The following FOXL2NB variants were observed in gnomAD, a reference collection of about 807,000 sequenced individuals.
FOXL2NB encodes the protein FOXL2 neighbor, also known as FOXL2 neighbor protein.
In FOXL2NB, 10 loss-of-function variants were observed where a neutral mutation model predicts 7.4. That is an observed-to-expected ratio of 1.34 (90% CI 0.83 to 2.28). The LOEUF (loss-of-function observed/expected upper bound fraction) is 2.28, where lower values mean the gene tolerates loss of function less well. Among genes scored for constraint, FOXL2NB ranks in the 30% most tolerant of loss-of-function variants. FOXL2NB has a pLI of 0.00. For missense variants in FOXL2NB, 228 were observed against 233.9 expected (o/e 0.97, Z 0.17); for synonymous variants, 104 against 105.3 (o/e 0.99, Z 0.08).
Position 138,950,897 on chromosome 3 carries a change from A to G in FOXL2NB, c.*325A>G, listed in dbSNP as rs58908753. 9.3e-6 allele frequency: 3 copies of G among 323,866 alleles called. No individual in the cohort carries two copies. The highest frequency in any genetic ancestry group is 2.2e-5 in the African/African-American group (1 of 44,564). The allele number at this position is 323,866 out of a possible 1,614,324, so 20.1% of individuals were successfully genotyped here. A position where few individuals can be genotyped will look rare whatever the true frequency, so the allele number is the denominator to read the frequency against. Reference sequence around the variant, plus strand: ...CGCATCTCACGGTGCAGAAGGACCAATGGGCTCCAGGTTTACAAGCCTGAC... The same window carrying G: ...CGCATCTCACGGTGCAGAAGGACCAGTGGGCTCCAGGTTTACAAGCCTGAC... On this transcript the variant is annotated 3_prime_UTR_variant, in exon 3 of 3. Coordinates refer to ENST00000383165, the MANE Select transcript of FOXL2NB (RefSeq NM_001040061.3).
rs1158178491 is a variant in FOXL2NB at position 138,949,501 on chromosome 3, C to T, written c.101-19C>T. ...CTGCTCTGAAAATACTGATTTCTGA[C>T]TGTCCCGTAGAGGAACAGAATCCCC... On this transcript the variant is annotated intron_variant, in intron 1 of 2. Transcript: ENST00000383165. This position sits in a 1 kb window ranked among gnomAD's most constrained non-coding sequence, Gnocchi z 4.5. 12 of 1,613,782 alleles carry T rather than the reference C, an allele frequency of 7.4e-6. No homozygotes were observed. The highest frequency in any genetic ancestry group is 4.0e-5 in the African/African-American group (3 of 74,854).
At position 138,949,813 on chromosome 3, in the gene FOXL2NB, T is replaced by C. The variant is rs1936081358; in HGVS notation, c.220+174T>C. 2.2e-6 allele frequency: 2 copies of C among 896,554 alleles called. No homozygotes were observed. Among genetic ancestry groups the C allele is most frequent in the Middle Eastern group, 2.1e-4 (1 of 4,716 alleles). The allele number at this position is 896,554 out of a possible 1,614,324, so 55.5% of individuals were successfully genotyped here. A position where few individuals can be genotyped will look rare whatever the true frequency, so the allele number is the denominator to read the frequency against. ...GTGAACCGGGCGCTCCAGGAAACGG[T>C]GCGGGGCGCCCTGATTTACTTCTCA... On this transcript the variant is annotated intron_variant, in intron 2 of 2. Transcript: ENST00000383165. This position sits in a 1 kb window ranked among gnomAD's most constrained non-coding sequence, Gnocchi z 4.5.
At chr3:138,948,502 T>C (rs367998830) in intron 1 of FOXL2NB, among the ~76,000 whole-genome samples, 9 of 152,230 alleles carry the variant, frequency 5.9e-5, no homozygotes, top group African/African-American at 1.9e-4. Flanking sequence ...GCCAGTGTTT[T>C]GAATCCTCAA....
rs1936106616 is a variant in FOXL2NB, at chr3:138,950,431, C to A, written c.387C>A (p.Ser129=). The A allele has an allele frequency of 6.2e-7, 1 of 1,613,978 alleles. No homozygotes were observed. Among genetic ancestry groups the A allele is most frequent in the African/African-American group, 1.3e-5 (1 of 75,056 alleles). Reference sequence around the variant, plus strand: ...GCTGCCTGAACCAGGTTCCGCTGTCCCCTTTCCTAGCGGGACCCCGAAACA... The same window carrying A: ...GCTGCCTGAACCAGGTTCCGCTGTCACCTTTCCTAGCGGGACCCCGAAACA... ...AAGCLNQVPL[S]PFLAGPRNTR... is the part of the protein sequence containing the mutation. The change falls in exon 3 of 3, where the codon TCC becomes TCA. Residue 129 remains serine, a synonymous_variant. Coordinates refer to ENST00000383165, the MANE Select transcript of FOXL2NB (RefSeq NM_001040061.3).
At position 138,951,690 on chromosome 3, in the gene FOXL2NB, A is replaced by T. The variant is rs1218492451; in HGVS notation, c.*1118A>T. ...TATCCCTCATGACATCTATGGCCCA[A>T]AGCCATTTTGTTCAGCTCTGAACAG... On this transcript the variant is annotated 3_prime_UTR_variant, in exon 3 of 3. Transcript: ENST00000383165. 2 of 152,188 alleles carry T rather than the reference A, an allele frequency of 1.3e-5. No homozygotes were observed. Among genetic ancestry groups the T allele is most frequent in the South Asian group, 2.1e-4 (1 of 4,830 alleles). The allele number at this position is 152,188 out of a possible 1,614,324, so 9.4% of individuals were successfully genotyped here. A position where few individuals can be genotyped will look rare whatever the true frequency, so the allele number is the denominator to read the frequency against.
At position 138,950,738 on chromosome 3, in the gene FOXL2NB, C is replaced by T. The variant is rs563942675; in HGVS notation, c.*166C>T. On this transcript the variant is annotated 3_prime_UTR_variant, in exon 3 of 3. Coordinates refer to ENST00000383165, the MANE Select transcript of FOXL2NB (RefSeq NM_001040061.3). ...TCTCCCTCTGTCAACTCCAAATCCCCTCTAGTTCTCCCTCCCCTCCTACTT... is the reference window on the plus strand; with the variant it reads ...TCTCCCTCTGTCAACTCCAAATCCCTTCTAGTTCTCCCTCCCCTCCTACTT... The T allele has an allele frequency of 3.0e-5, 20 of 675,740 alleles. No individual in the cohort carries two copies. Among genetic ancestry groups the T allele is most frequent in the Non-Finnish European group, 4.2e-5 (17 of 400,926 alleles). 41.9% of individuals were successfully genotyped at this position (675,740 alleles called of 1,614,324 possible).
At position 138,950,243 on chromosome 3, in the gene FOXL2NB, A is replaced by T. The variant is rs780154149; in HGVS notation, c.221-22A>T. ...GGCGCGAGCAATCTACACGGCTCTG[A>T]TACAGACGCTTTTCTCCCCAGGGCC... is the stretch of plus-strand genomic sequence containing the variant. On this transcript the variant is annotated intron_variant, in intron 2 of 2. Transcript: ENST00000383165. 8.7e-6 allele frequency: 14 copies of T among 1,603,954 alleles called. No homozygotes were observed. In the East Asian group the frequency reaches 2.5e-4, roughly 28 times the overall value.
In FOXL2NB at chr3:138,947,778, C is replaced by T. The variant is rs954564010; in HGVS notation, c.100+314C>T. Reference sequence around the variant, plus strand: ...CTGCGTTACCAGTGGATCTAGGAACCAGGAATCCGTGTACTAATCCTACGG... The same window carrying T: ...CTGCGTTACCAGTGGATCTAGGAACTAGGAATCCGTGTACTAATCCTACGG... On this transcript the variant is annotated intron_variant, in intron 1 of 2. Coordinates refer to ENST00000383165, the MANE Select transcript of FOXL2NB (RefSeq NM_001040061.3). The surrounding 1 kb of genome is among the most constrained non-coding windows in gnomAD (Gnocchi z 5.2). 3.6e-6 allele frequency: 4 copies of T among 1,125,436 alleles called. No homozygotes were observed. In the East Asian group the frequency reaches 1.8e-4, roughly 52 times the overall value. The allele number at this position is 1,125,436 out of a possible 1,614,324, so 69.7% of individuals were successfully genotyped here. A position where few individuals can be genotyped will look rare whatever the true frequency, so the allele number is the denominator to read the frequency against.
Position 138,949,642 on chromosome 3 carries a change from A to G in FOXL2NB, c.220+3A>G, listed in dbSNP as rs781202664. On this transcript the variant is annotated splice_donor_region_variant and intron_variant, in intron 2 of 2. Coordinates refer to ENST00000383165, the MANE Select transcript of FOXL2NB (RefSeq NM_001040061.3). The surrounding 1 kb of genome is among the most constrained non-coding windows in gnomAD (Gnocchi z 4.5). ...GCATTCGAAGGCTCAGAAAACAGGC[A>G]AGAAAATGCGGGCGGGAAAGCTGGC... The G allele has an allele frequency of 5.0e-6, 8 of 1,614,144 alleles. No homozygotes were observed. Among genetic ancestry groups the G allele is most frequent in the Non-Finnish European group, 6.8e-6 (8 of 1,180,034 alleles).
chr3:138,953,570 A>C lies in FOXL2NB; in HGVS notation c.*2998A>C, dbSNP rs1936174765. 1 of 152,228 alleles carries C rather than the reference A, an allele frequency of 6.6e-6. No individual in the cohort carries two copies. Among genetic ancestry groups the C allele is most frequent in the Non-Finnish European group, 1.5e-5 (1 of 68,052 alleles). The allele number at this position is 152,228 out of a possible 1,614,324, so 9.4% of individuals were successfully genotyped here. A position where few individuals can be genotyped will look rare whatever the true frequency, so the allele number is the denominator to read the frequency against. On this transcript the variant is annotated 3_prime_UTR_variant, in exon 3 of 3. Coordinates refer to ENST00000383165, the MANE Select transcript of FOXL2NB (RefSeq NM_001040061.3). Reference sequence around the variant, plus strand: ...AGCCTTGTTCCATATTTTTGTATGCAGTATAACTTACAGATGGTAAACAAT... The same window carrying C: ...AGCCTTGTTCCATATTTTTGTATGCCGTATAACTTACAGATGGTAAACAAT...
Position 138,948,919 on chromosome 3 carries a change from G to T in FOXL2NB, c.101-601G>T, listed in dbSNP as rs186887647. ...GCAAGGCTATCCCCAAAGTAGCTTG[G>T]TTTTTTTTATGGGCGGTCTCCCACT... On this transcript the variant is annotated intron_variant, in intron 1 of 2. Coordinates refer to ENST00000383165, the MANE Select transcript of FOXL2NB (RefSeq NM_001040061.3). Among the ~76,000 whole-genome samples the T allele has an allele frequency of 4.6e-5, 7 of 152,224 alleles. No individual in the cohort carries two copies. In the East Asian group the frequency reaches 1.2e-3, roughly 25 times the overall value.
In FOXL2NB at chr3:138,947,635, G is replaced by C; in HGVS notation, c.100+171G>C. 1 of 1,390,414 alleles carries C rather than the reference G, an allele frequency of 7.2e-7. No individual in the cohort carries two copies. The highest frequency in any genetic ancestry group is 2.5e-4 in the Middle Eastern group (1 of 3,976). 86.1% of individuals were successfully genotyped at this position (1,390,414 alleles called of 1,614,324 possible). On this transcript the variant is annotated intron_variant, in intron 1 of 2. Transcript: ENST00000383165. This position sits in a 1 kb window ranked among gnomAD's most constrained non-coding sequence, Gnocchi z 5.2. ...CCAGAAACGGGTGTGACTGTACGAAGAAGCCTCGGCCTGGCCTGTCCCTCG... is the reference window on the plus strand; with the variant it reads ...CCAGAAACGGGTGTGACTGTACGAACAAGCCTCGGCCTGGCCTGTCCCTCG...
intron 2 of FOXL2NB, chr3:138,950,064 G>A (rs1009260948): frequency 5.6e-6 from 4 of 717,234 alleles, no homozygotes; most frequent in African/African-American, 3.5e-5. Context: ...CCAGGGTCCC[G>A]CAGCTGCAAT....
chr3:138,950,867 A>C lies in FOXL2NB; in HGVS notation c.*295A>C. The C allele has an allele frequency of 2.4e-6, 1 of 422,080 alleles. No homozygotes were observed. The highest frequency in any genetic ancestry group is 4.2e-6 in the Non-Finnish European group (1 of 237,748). 26.1% of individuals were successfully genotyped at this position (422,080 alleles called of 1,614,324 possible). ...CCCTAAGGCTTTTCACACGCTGCTCACTTTCGCATCTCACGGTGCAGAAGG... is the reference window on the plus strand; with the variant it reads ...CCCTAAGGCTTTTCACACGCTGCTCCCTTTCGCATCTCACGGTGCAGAAGG... On this transcript the variant is annotated 3_prime_UTR_variant, in exon 3 of 3. Transcript: ENST00000383165.
rs2107746092 is a variant in FOXL2NB, at chr3:138,947,717, C to T, written c.100+253C>T. 8.2e-7 allele frequency: 1 copy of T among 1,224,412 alleles called. No individual in the cohort carries two copies. Among genetic ancestry groups the T allele is most frequent in the South Asian group, 2.7e-5 (1 of 36,512 alleles). The allele number at this position is 1,224,412 out of a possible 1,614,324, so 75.8% of individuals were successfully genotyped here. On this transcript the variant is annotated intron_variant, in intron 1 of 2. Coordinates refer to ENST00000383165, the MANE Select transcript of FOXL2NB (RefSeq NM_001040061.3). The surrounding 1 kb of genome is among the most constrained non-coding windows in gnomAD (Gnocchi z 5.2). ...AGGGGAGAGGATCTCTGGAAATAGTCGTCAGGGGCGCCGCCTGAATCACCT... is the reference window on the plus strand; with the variant it reads ...AGGGGAGAGGATCTCTGGAAATAGTTGTCAGGGGCGCCGCCTGAATCACCT...
In FOXL2NB at chr3:138,949,476, C is replaced by G. The variant is rs756651663; in HGVS notation, c.101-44C>G. On this transcript the variant is annotated intron_variant, in intron 1 of 2. Transcript: ENST00000383165. The surrounding 1 kb of genome is among the most constrained non-coding windows in gnomAD (Gnocchi z 4.5). ...AGGATTTTCAGAATAGAAAGGAGTT[C>G]TGCTCTGAAAATACTGATTTCTGAC... 4 of 1,611,614 alleles carry G rather than the reference C, an allele frequency of 2.5e-6. No homozygotes were observed. The highest frequency in any genetic ancestry group is 1.7e-5 in the Admixed American group (1 of 59,726).
intron 1 of FOXL2NB, chr3:138,948,057 CTT>C: frequency 1.2e-6 from 1 of 822,864 alleles, no homozygotes; most frequent in Non-Finnish European, 1.5e-6. Context: ...GTAAAACACA[CTT>C]ATACTGATAG....
intron 2 of FOXL2NB, 30 bp from the exon 3 acceptor site, chr3:138,950,235 C>A (rs750537114): frequency 1.2e-6 from 2 of 1,607,574 alleles, no homozygotes; most frequent in Non-Finnish European, 1.7e-6. Flanking sequence ...GCAATCTACA[C>A]GGCTCTGATA....
Position 138,947,643 on chromosome 3 carries a change from G to A in FOXL2NB, c.100+179G>A. On this transcript the variant is annotated intron_variant, in intron 1 of 2. Transcript: ENST00000383165. The surrounding 1 kb of genome is among the most constrained non-coding windows in gnomAD (Gnocchi z 5.2). ...GGGTGTGACTGTACGAAGAAGCCTC[G>A]GCCTGGCCTGTCCCTCGCGCTCTCA... 7.2e-7 allele frequency: 1 copy of A among 1,379,608 alleles called. No individual in the cohort carries two copies. The highest frequency in any genetic ancestry group is 9.3e-7 in the Non-Finnish European group (1 of 1,070,388). The allele number at this position is 1,379,608 out of a possible 1,614,324, so 85.5% of individuals were successfully genotyped here.
Sources: allele counts gnomAD v4.1 joint callset (sites outside exome capture counted in the v4.1 genomes callset), GRCh38; gene constraint gnomAD v4.1.1; non-coding constraint Gnocchi (gnomAD v3.1); transcripts MANE v1.5; gene names NCBI Gene and HGNC (gene_info 2026-07-23, HGNC 2026-07-21).